Variants in MET observed in about 807,000 individuals in gnomAD.
The protein encoded by MET is MET proto-oncogene, receptor tyrosine kinase.
In MET, 48 loss-of-function variants were observed where a neutral mutation model predicts 133.1. The ratio of observed to expected loss-of-function variants is 0.36; its 90% CI spans 0.29 to 0.46. The LOEUF (loss-of-function observed/expected upper bound fraction) is 0.46, where lower values mean the gene tolerates loss of function less well. MET is among the 20% of genes least tolerant of loss of function. The probability of loss-of-function intolerance (pLI) is 1.00; values close to 1 mark genes in which losing one functional copy is unlikely to be tolerated. For synonymous variants in MET, 628 were observed against 616.5 expected, an observed-to-expected ratio of 1.02 and a Z score of -0.28; for missense variants, 1,442 against 1,695.9, an observed-to-expected ratio of 0.85 and a Z score of 2.63.
At chr7:116,774,109 A>G (rs1794915753) in intron 14 of MET, among the ~76,000 whole-genome samples, 1 of 152,234 alleles carries the variant, frequency 6.6e-6, no homozygotes, top group African/African-American at 2.4e-5. Context: ...CCTATTTGGC[A>G]TTAAGAAATT....
chr7:116,781,894 A>G, intron 17 of MET, 94 bp from the exon 18 acceptor site: 1 of 867,582 alleles, frequency 1.2e-6, no homozygotes, highest in Non-Finnish European at 1.9e-6. Flanking sequence ...TTGAGACAAG[A>G]TAATTTTTTA....
chr7:116,760,186 G>A (rs1794344398), intron 10 of MET, among the ~76,000 whole-genome samples: 1 of 152,076 alleles, frequency 6.6e-6, no homozygotes, highest in African/African-American at 2.4e-5. Flanking sequence ...TAAAATCCTT[G>A]GAAAAGGTTG....
chr7:116,719,547 G>A (rs1191329800), intron 2 of MET, among the ~76,000 whole-genome samples: 1 of 152,022 alleles, frequency 6.6e-6, no homozygotes, highest in African/African-American at 2.4e-5. Flanking sequence ...TGGTGTTTTG[G>A]ACATGAAGTC....
chr7:116,756,299 A>C (rs567033632), intron 6 of MET, among the ~76,000 whole-genome samples: 3,089 of 152,330 alleles, frequency 0.02, 109 homozygotes, highest in African/African-American at 0.071. Flanking sequence ...ATCACATAAT[A>C]ACAACACTCA....
intron 15 of MET, among the ~76,000 whole-genome samples, chr7:116,775,546 A>G (rs1794967461): frequency 6.6e-6 from 1 of 152,112 alleles, no homozygotes; most frequent in South Asian, 2.1e-4. Context: ...TCTACTAAAA[A>G]AATACAAAAA....
At chr7:116,758,376 T>C (rs1227197476) in intron 8 of MET, 83 bp from the exon 9 acceptor site, 21 of 1,397,338 alleles carry the variant, frequency 1.5e-5, no homozygotes, top group Non-Finnish European at 1.7e-5. Context: ...CATTGAGTTA[T>C]ATCCTTTTGA....
rs541441794 is a variant in MET at position 116,796,316 on chromosome 7, C to CA, written c.*193dup. The CA allele has an allele frequency of 5.2e-4, 331 of 633,624 alleles. No homozygotes were observed. In the African/African-American group the frequency reaches 5.3e-3, roughly 10 times the overall value. The allele number at this position is 633,624 out of a possible 1,614,324, so 39.3% of individuals were successfully genotyped here. On this transcript the variant is annotated 3_prime_UTR_variant, in exon 21 of 21. Transcript: ENST00000397752. ...AGCATCAGAACCAGAGGCTTGGTCC[C>CA]ACAGGCCACGGACCAATGGCCTGCA...
At position 116,797,996 on chromosome 7, in the gene MET, T is replaced by C; in HGVS notation, c.*1872T>C. On this transcript the variant is annotated 3_prime_UTR_variant, in exon 21 of 21. Coordinates refer to ENST00000397752, the MANE Select transcript of MET (RefSeq NM_000245.4). ...AGCTATTACAATCCAAATATTGCCG[T>C]TTCATAAATGTAATAAGTAATACTA... The C allele has an allele frequency of 4.5e-6, 1 of 220,290 alleles. No homozygotes were observed. The highest frequency in any genetic ancestry group is 9.1e-6 in the Non-Finnish European group (1 of 109,668). 13.6% of individuals were successfully genotyped at this position (220,290 alleles called of 1,614,324 possible).
At chr7:116,777,831 ATTACTATAATTATTTTTTAAC>A (rs1795041295) in intron 16 of MET, among the ~76,000 whole-genome samples, 2 of 152,226 alleles carry the variant, frequency 1.3e-5, no homozygotes, top group African/African-American at 2.4e-5. Context: ...ACCCAGAGGC[ATTACTATAATTATTTTTTAAC>A]CACAACTTCC....
chr7:116,718,096 A>G (rs923736003), intron 2 of MET, among the ~76,000 whole-genome samples: 1 of 152,314 alleles, frequency 6.6e-6, no homozygotes, highest in African/African-American at 2.4e-5. Flanking sequence ...TTAAAAAATA[A>G]TAAAACAGGA....
intron 5 of MET, among the ~76,000 whole-genome samples, chr7:116,749,012 A>T (rs372618546): frequency 3.3e-5 from 5 of 152,304 alleles, no homozygotes; most frequent in South Asian, 2.1e-4. Flanking sequence ...TCACAGCCGA[A>T]TTCTACCAGA....
At chr7:116,757,217 A>G (rs1794210999) in intron 6 of MET, among the ~76,000 whole-genome samples, 1 of 152,186 alleles carries the variant, frequency 6.6e-6, no homozygotes. Context: ...TGGGTGACAG[A>G]GCAAGATCCT....
intron 1 of MET, among the ~76,000 whole-genome samples, chr7:116,688,157 C>T (rs1446827883): frequency 6.6e-6 from 1 of 152,142 alleles, no homozygotes; most frequent in Non-Finnish European, 1.5e-5. Flanking sequence ...CAGTGGTTCA[C>T]ATTCTGACTA....
At chr7:116,728,188 T>G (rs1357153890) in intron 2 of MET, among the ~76,000 whole-genome samples, 1 of 152,214 alleles carries the variant, frequency 6.6e-6, no homozygotes, top group Non-Finnish European at 1.5e-5. Context: ...GAAATTTGAA[T>G]GCCACTTGAA....
At position 116,672,289 on chromosome 7, in the gene MET, C is replaced by G. The variant is rs532631008; in HGVS notation, c.-303C>G. On this transcript the variant is annotated 5_prime_UTR_variant, in exon 1 of 21. Transcript: ENST00000397752. Reference sequence around the variant, plus strand: ...CGCCCGGGCCGCCGCGGGCCGCGCGCGCCGATGCCCGGCTGAGTCACTGGC... The same window carrying G: ...CGCCCGGGCCGCCGCGGGCCGCGCGGGCCGATGCCCGGCTGAGTCACTGGC... 5.4e-6 allele frequency: 1 copy of G among 186,158 alleles called. No individual in the cohort carries two copies. Among genetic ancestry groups the G allele is most frequent in the African/African-American group, 2.4e-5 (1 of 42,002 alleles). 11.5% of individuals were successfully genotyped at this position (186,158 alleles called of 1,614,324 possible). A position where few individuals can be genotyped will look rare whatever the true frequency, so the allele number is the denominator to read the frequency against.
Position 116,699,761 on chromosome 7 carries a change from TTA to T in MET, c.679_680del (p.Met227ValfsTer9). On this transcript the variant is annotated frameshift_variant, in exon 2 of 21. Coordinates refer to ENST00000397752, the MANE Select transcript of MET (RefSeq NM_000245.4). LOFTEE classifies it high-confidence loss of function. ...AGGCTAAAGGAAACGAAAGATGGTT[TTA>T]TGTTTTTGACGGACCAGTCCTACAT... 6.2e-7 allele frequency: 1 copy of T among 1,614,146 alleles called. No individual in the cohort carries two copies. Among genetic ancestry groups the T allele is most frequent in the Non-Finnish European group, 8.5e-7 (1 of 1,179,986 alleles).
At chr7:116,733,384 A>G (rs1225408683) in intron 3 of MET, among the ~76,000 whole-genome samples, 7 of 151,428 alleles carry the variant, frequency 4.6e-5, no homozygotes, top group African/African-American at 1.7e-4. Flanking sequence ...TACCTCACCA[A>G]TCCAGTTTTG....
chr7:116,713,301 A>G (rs939937790), intron 2 of MET, among the ~76,000 whole-genome samples: 122 of 151,572 alleles, frequency 8.0e-4, no homozygotes, highest in African/African-American at 2.7e-3. Flanking sequence ...AGGCTGAGGC[A>G]GGAGAATGGC....
At chr7:116,716,958 C>G (rs746606050) in intron 2 of MET, among the ~76,000 whole-genome samples, 7 of 152,128 alleles carry the variant, frequency 4.6e-5, no homozygotes, top group East Asian at 1.9e-4. Context: ...TAAATTTTGC[C>G]CCCCCCAGCT....
Sources: gnomAD v4.1 joint callset for allele counts (sites outside exome capture counted in the v4.1 genomes callset) on GRCh38, gnomAD v4.1.1 for gene constraint, MANE v1.5 for transcripts, NCBI Gene and HGNC (gene_info 2026-07-23, HGNC 2026-07-21) for gene names.